Variants in ADAMTS19 observed in about 807,000 individuals in gnomAD.
ADAMTS19 encodes A disintegrin and metalloproteinase with thrombospondin motifs 19.
Under a neutral mutation model 153.3 loss-of-function variants are expected in ADAMTS19, and 93 were observed. That is an observed-to-expected ratio of 0.61 (90% CI 0.51 to 0.72). The LOEUF is 0.72. Among genes scored for constraint, ADAMTS19 ranks in the 30% least tolerant of loss-of-function variants. The pLI, the probability that ADAMTS19 is intolerant of heterozygous loss-of-function variation, is 0.00. For missense variants in ADAMTS19, 1,482 were observed against 1,552.1 expected, an observed-to-expected ratio of 0.95 and a Z score of 0.76; for synonymous variants, 600 against 556.6, an observed-to-expected ratio of 1.08 and a Z score of -1.10.
At chr5:129,661,584 A>C (rs1022929604) in intron 15 of ADAMTS19, among the ~76,000 whole-genome samples, 1 of 152,186 alleles carries the variant, frequency 6.6e-6, no homozygotes, top group African/African-American at 2.4e-5. Flanking sequence ...CCTGTGCTCT[A>C]TTTAGAGTTT....
intron 18 of ADAMTS19, among the ~76,000 whole-genome samples, chr5:129,689,321 G>A (rs1007033607): frequency 1.3e-5 from 2 of 152,144 alleles, no homozygotes; most frequent in Non-Finnish European, 2.9e-5. Flanking sequence ...TTGGGTCCAA[G>A]TTGAGGAAAA....
At chr5:129,735,222 T>C in intron 22 of ADAMTS19, 113 bp downstream of exon 22, 1 of 1,080,236 alleles carries the variant, frequency 9.3e-7, no homozygotes, top group Non-Finnish European at 1.2e-6. Context: ...CTGATTATTT[T>C]GGTTTGCACT....
chr5:129,463,562 A>G (rs1052237780), intron 2 of ADAMTS19, among the ~76,000 whole-genome samples: 5 of 152,146 alleles, frequency 3.3e-5, no homozygotes, highest in Non-Finnish European at 2.9e-5. Flanking sequence ...CAGTGTTAGG[A>G]GTTAGATTTT....
At chr5:129,612,283 G>A (rs1046955035) in intron 8 of ADAMTS19, among the ~76,000 whole-genome samples, 2 of 151,580 alleles carry the variant, frequency 1.3e-5, no homozygotes, top group African/African-American at 4.8e-5. Context: ...TTTCATCCAT[G>A]TCCCTACAAA....
chr5:129,599,931 T>A (rs1451009583), intron 8 of ADAMTS19, among the ~76,000 whole-genome samples: 1 of 152,110 alleles, frequency 6.6e-6, no homozygotes, highest in Non-Finnish European at 1.5e-5. Context: ...GCAATATTTG[T>A]CTCAAAAGTA....
intron 3 of ADAMTS19, among the ~76,000 whole-genome samples, chr5:129,521,318 G>T (rs879543734): frequency 6.6e-6 from 1 of 151,930 alleles, no homozygotes; most frequent in African/African-American, 2.4e-5. Flanking sequence ...ATGTAAGTGT[G>T]CATGTTCCCA....
At chr5:129,732,985 G>T (rs1757506810) in intron 21 of ADAMTS19, among the ~76,000 whole-genome samples, 1 of 151,946 alleles carries the variant, frequency 6.6e-6, no homozygotes, top group African/African-American at 2.4e-5. Flanking sequence ...ACAGACAAAA[G>T]AACTCAGAAA....
chr5:129,527,423 C>G (rs1752050830), intron 4 of ADAMTS19, among the ~76,000 whole-genome samples: 1 of 149,566 alleles, frequency 6.7e-6, no homozygotes, highest in African/African-American at 2.5e-5. Context: ...ATTCCATTAC[C>G]TCCTGAGCAC....
intron 7 of ADAMTS19, among the ~76,000 whole-genome samples, chr5:129,570,080 A>G (rs1753842841): frequency 6.6e-6 from 1 of 151,974 alleles, no homozygotes; most frequent in Non-Finnish European, 1.5e-5. Flanking sequence ...TTATGTTCCT[A>G]TTGATTTATG....
chr5:129,606,428 T>G (rs533178348), intron 8 of ADAMTS19, among the ~76,000 whole-genome samples: 32 of 152,364 alleles, frequency 2.1e-4, no homozygotes, highest in African/African-American at 7.7e-4. Flanking sequence ...TTCTATTCAT[T>G]CTTCGTCCGA....
intron 20 of ADAMTS19, among the ~76,000 whole-genome samples, chr5:129,702,941 A>AAAAAAAAAAAAAT: frequency 1.7e-4 from 5 of 29,306 alleles, no homozygotes; most frequent in African/African-American, 4.3e-4. Context: ...AAAAAAAAAA[A>AAAAAAAAAAAAAT]ATATATATAT....
intron 7 of ADAMTS19, among the ~76,000 whole-genome samples, chr5:129,562,932 T>G (rs1281134480): frequency 6.6e-5 from 10 of 152,182 alleles, no homozygotes; most frequent in Non-Finnish European, 1.5e-4. Flanking sequence ...TTCTTCTCTA[T>G]GCTTCTGAAT....
chr5:129,726,058 G>C lies in ADAMTS19; in HGVS notation c.3313-8874G>C, dbSNP rs577277466. ...TCCTTGTGTCTTGTTGTTTGTCTAC[G>C]TCAAAAACTTGCTTAAGTCCTAAAT... On this transcript the variant is annotated intron_variant, in intron 21 of 22. Transcript: ENST00000274487. Among the ~76,000 whole-genome samples, 5 of 152,212 alleles carry C rather than the reference G, an allele frequency of 3.3e-5. No individual in the cohort carries two copies. The South Asian group carries it at 1.0e-3, about 32-fold the overall frequency.
intron 10 of ADAMTS19, among the ~76,000 whole-genome samples, chr5:129,625,303 G>A (rs1221097064): frequency 6.6e-6 from 1 of 152,190 alleles, no homozygotes; most frequent in African/African-American, 2.4e-5. Flanking sequence ...ACATATGTGT[G>A]CATGTGTCTT....
intron 8 of ADAMTS19, among the ~76,000 whole-genome samples, chr5:129,613,877 AC>A (rs1404236050): frequency 6.6e-6 from 1 of 152,220 alleles, no homozygotes; most frequent in African/African-American, 2.4e-5. Flanking sequence ...CCACAGAAAT[AC>A]AAACTACCAT....
chr5:129,528,395 A>C, intron 5 of ADAMTS19, 125 bp from the exon 6 acceptor site: 1 of 672,318 alleles, frequency 1.5e-6, no homozygotes, highest in Non-Finnish European at 2.3e-6. Context: ...TCCAGGTTCT[A>C]ATTAATGTTA....
chr5:129,659,275 C>T (rs17163190), intron 15 of ADAMTS19, among the ~76,000 whole-genome samples: 5,572 of 152,162 alleles, frequency 0.037, 314 homozygotes, highest in African/African-American at 0.13. Flanking sequence ...GTTCATCCTC[C>T]CTTGTTTTCT....
At chr5:129,675,138 T>C (rs1284131406) in intron 16 of ADAMTS19, among the ~76,000 whole-genome samples, 1 of 152,210 alleles carries the variant, frequency 6.6e-6, no homozygotes, top group Non-Finnish European at 1.5e-5. Context: ...TTTACCCCTG[T>C]TTTAACGTGC....
At chr5:129,618,303 A>G (rs1751621396) in intron 8 of ADAMTS19, among the ~76,000 whole-genome samples, 1 of 152,100 alleles carries the variant, frequency 6.6e-6, no homozygotes, top group Non-Finnish European at 1.5e-5. Flanking sequence ...TACAGACTCT[A>G]TTTGAAGAAA....
Sources: allele counts gnomAD v4.1 joint callset (sites outside exome capture counted in the v4.1 genomes callset), GRCh38; gene constraint gnomAD v4.1.1; transcripts MANE v1.5; gene names NCBI Gene and HGNC (gene_info 2026-07-23, HGNC 2026-07-21).